NFRKB: variants seen among roughly 807,000 people sequenced by gnomAD.
NFRKB encodes the protein nuclear factor related to kappa-B-binding protein.
NFRKB carries 62 observed loss-of-function variants against 135.7 expected under a neutral mutation model. The observed-to-expected ratio is 0.46, with a 90% CI of 0.37 to 0.56. NFRKB has a LOEUF of 0.56. Ranked by LOEUF, NFRKB falls within the 20% of genes least tolerant of loss-of-function variation. The pLI is 0.00. For synonymous variants in NFRKB, 678 were observed against 635.6 expected (o/e 1.07, Z -1.00); for missense variants, 1,545 against 1,662.0 (o/e 0.93, Z 1.22).
Position 129,864,574 on chromosome 11 carries a change from T to A in NFRKB, c.*151A>T. On this transcript the variant is annotated 3_prime_UTR_variant, in exon 27 of 27. Coordinates refer to ENST00000682444, the MANE Select transcript of NFRKB (RefSeq NM_001143835.2). ...TCCACTATGGCACGTGGCAGCAGAA[T>A]CCAGGCCACGAATCCAGGCCACCGT... The A allele has an allele frequency of 9.4e-7, 1 of 1,066,012 alleles. No individual in the cohort carries two copies. The highest frequency in any genetic ancestry group is 2.5e-5 in the East Asian group (1 of 39,584). The allele number at this position is 1,066,012 out of a possible 1,614,324, so 66.0% of individuals were successfully genotyped here. A position where few individuals can be genotyped will look rare whatever the true frequency, so the allele number is the denominator to read the frequency against.
intron 4 of NFRKB, among the ~76,000 whole-genome samples, chr11:129,886,772 T>C (rs1391099060): frequency 6.6e-6 from 1 of 152,188 alleles, no homozygotes; most frequent in African/African-American, 2.4e-5. Context: ...CAGACGACCA[T>C]ACTGTTTCGG....
At position 129,892,802 on chromosome 11, in the gene NFRKB, C is replaced by G. The variant is rs780129758; in HGVS notation, c.48G>C (p.Pro16=). 2 of 1,614,068 alleles carry G rather than the reference C, an allele frequency of 1.2e-6. No individual in the cohort carries two copies. Among genetic ancestry groups the G allele is most frequent in the South Asian group, 2.2e-5 (2 of 91,088 alleles). ...HMLTDPLELG[P]CGDGHGTRIM... ...TGCGCGTGCCATGGCCATCTCCACACGGACCAAGTTCCAGAGGATCTGTCA... is the reference window on the plus strand; with the variant it reads ...TGCGCGTGCCATGGCCATCTCCACAGGGACCAAGTTCCAGAGGATCTGTCA... Residue 16 remains proline, a synonymous_variant, in exon 3 of 27, where the codon CCG becomes CCC. Coordinates refer to ENST00000682444, the MANE Select transcript of NFRKB (RefSeq NM_001143835.2).
intron 4 of NFRKB, among the ~76,000 whole-genome samples, chr11:129,887,080 C>T (rs1007506593): frequency 3.3e-5 from 5 of 152,234 alleles, no homozygotes; most frequent in African/African-American, 4.8e-5. Flanking sequence ...TCCAGATGTG[C>T]TGCCCATTCA....
In NFRKB at chr11:129,895,523, C is replaced by T. The variant is rs1949732591; in HGVS notation, c.-129G>A. 6.6e-6 allele frequency: 1 copy of T among 152,426 alleles called. No homozygotes were observed. The highest frequency in any genetic ancestry group is 2.4e-5 in the African/African-American group (1 of 41,458). The allele number at this position is 152,426 out of a possible 1,614,324, so 9.4% of individuals were successfully genotyped here. Reference sequence around the variant, plus strand: ...GAACCGCGGGCGCCGGCCCCCTAACCCGCAGCCCTTCTCCGGCCGCGGGCT... The same window carrying T: ...GAACCGCGGGCGCCGGCCCCCTAACTCGCAGCCCTTCTCCGGCCGCGGGCT... On this transcript the variant is annotated 5_prime_UTR_variant, in exon 1 of 27. Coordinates refer to ENST00000682444, the MANE Select transcript of NFRKB (RefSeq NM_001143835.2).
intron 2 of NFRKB, among the ~76,000 whole-genome samples, chr11:129,893,691 G>A (rs1318946074): frequency 6.6e-6 from 1 of 152,168 alleles, no homozygotes; most frequent in East Asian, 1.9e-4. Context: ...CCTATTAAAA[G>A]CCAGGCCTTT....
chr11:129,884,850 CAAAAG>C lies in NFRKB; in HGVS notation c.641-9_641-5del. 1 of 1,614,162 alleles carries C rather than the reference CAAAAG, an allele frequency of 6.2e-7. No individual in the cohort carries two copies. The highest frequency in any genetic ancestry group is 8.5e-7 in the Non-Finnish European group (1 of 1,180,014). ...CTCGGAAGCCATGAGCTGAGATCTT[CAAAAG>C]AAAATTGTTCTTGTAAATCCAACGT... On this transcript the variant is annotated splice_region_variant and splice_polypyrimidine_tract_variant and intron_variant, in intron 6 of 26. Coordinates refer to ENST00000682444, the MANE Select transcript of NFRKB (RefSeq NM_001143835.2).
rs781078179 is a variant in NFRKB at position 129,885,535 on chromosome 11, T to C, written c.540A>G (p.Thr180=). Residue 180 remains threonine, a synonymous_variant, in exon 6 of 27, where the codon ACA becomes ACG. Transcript: ENST00000682444. The stretch of plus-strand genomic sequence containing the variant: ...GGGTCCGCCACTCCCGCTCCTCAGG[T>C]GTGCGGGATGGTGAAGGGCGTTTCT... ...FRQKRPSPSR[T]PEEREWRTQQ... 8.1e-6 allele frequency: 13 copies of C among 1,613,988 alleles called. No homozygotes were observed. The African/African-American group carries it at 1.3e-4, about 17-fold the overall frequency.
Position 129,892,702 on chromosome 11 carries a change from T to C in NFRKB, c.135+13A>G, listed in dbSNP as rs776994799. On this transcript the variant is annotated intron_variant, in intron 3 of 26. Transcript: ENST00000682444. ...GACAGAGAGGAAAAGGTCACAACCG[T>C]GTTACTACTCACATCCTCCAGAAGG... 1 of 1,612,980 alleles carries C rather than the reference T, an allele frequency of 6.2e-7. No individual in the cohort carries two copies. Among genetic ancestry groups the C allele is most frequent in the Non-Finnish European group, 8.5e-7 (1 of 1,179,924 alleles).
rs1312745313 is a variant in NFRKB, at chr11:129,882,543, T to C, written c.990A>G (p.Ala330=). 2 of 1,614,160 alleles carry C rather than the reference T, an allele frequency of 1.2e-6. No homozygotes were observed. Among genetic ancestry groups the C allele is most frequent in the Admixed American group, 1.7e-5 (1 of 60,028 alleles). The change falls in exon 10 of 27, where the codon GCA becomes GCG. Residue 330 remains alanine (A), a synonymous_variant. Transcript: ENST00000682444. ...TGCTTAGCGGCTCGGCCAGGTCCTC[T>C]GCCTCTGATTTGATCGTTTTTATTT... The part of the protein sequence containing the change: ...KKKIKTIKSE[A]EDLAEPLSST...
At chr11:129,879,718 C>G (rs1036663183) in intron 13 of NFRKB, among the ~76,000 whole-genome samples, 4 of 152,030 alleles carry the variant, frequency 2.6e-5, no homozygotes, top group Non-Finnish European at 5.9e-5. Flanking sequence ...CGTGAAGAGC[C>G]CTCCTCGGCC....
intron 5 of NFRKB, among the ~76,000 whole-genome samples, chr11:129,885,882 T>A (rs946247232): frequency 2.6e-5 from 4 of 152,222 alleles, no homozygotes; most frequent in African/African-American, 9.6e-5. Flanking sequence ...GCTTAAAGGA[T>A]GACTTAAAAT....
chr11:129,892,846 C>T lies in NFRKB; in HGVS notation c.4G>A (p.Asp2Asn). M[D>N]SLDHMLTDPL... ...TCTGTCAGCATATGGTCTAAGGAAT[C>T]CATTGTTTCTTCTCCACAGGTACTC... The change falls in exon 3 of 27, where the codon GAT (aspartate) becomes AAT (asparagine). Residue 2 changes from aspartate to asparagine, a missense_variant. This residue lies in a region of NFRKB where 678 missense variants were observed against 646.7 expected (regional missense o/e 1.05). Transcript: ENST00000682444. The T allele has an allele frequency of 6.2e-7, 1 of 1,614,196 alleles. No homozygotes were observed. The highest frequency in any genetic ancestry group is 8.5e-7 in the Non-Finnish European group (1 of 1,180,042).
At chr11:129,890,027 TTG>T (rs1491264715) in intron 3 of NFRKB, among the ~76,000 whole-genome samples, 2 of 102,378 alleles carry the variant, frequency 2.0e-5, no homozygotes, top group East Asian at 3.1e-4. Flanking sequence ...TTGGGTTTTT[TTG>T]TTTTTTTTTT....
At chr11:129,875,532 C>A in intron 17 of NFRKB, 69 bp from the exon 18 acceptor site, 1 of 1,270,266 alleles carries the variant, frequency 7.9e-7, no homozygotes, top group Non-Finnish European at 1.1e-6. Context: ...ATCTCCTGTA[C>A]CTGCAGTGAT....
In NFRKB at chr11:129,869,683, C is replaced by T; in HGVS notation, c.3342G>A (p.Gly1114=). ...TTCCAGACCCACTGGCCACCGAGGCCCCTTGCTTGGCGTGGGTTGCAACGG... is the reference window on the plus strand; with the variant it reads ...TTCCAGACCCACTGGCCACCGAGGCTCCTTGCTTGGCGTGGGTTGCAACGG... ...TITVATHAKQ[G]ASVASGSGTV... The change falls in exon 24 of 27, where the codon GGG becomes GGA. Residue 1114 remains glycine, a synonymous_variant. Coordinates refer to ENST00000682444, the MANE Select transcript of NFRKB (RefSeq NM_001143835.2). 6.2e-7 allele frequency: 1 copy of T among 1,614,210 alleles called. No homozygotes were observed. The highest frequency in any genetic ancestry group is 8.5e-7 in the Non-Finnish European group (1 of 1,180,032).
At position 129,878,111 on chromosome 11, in the gene NFRKB, CCT is replaced by C. The variant is rs557098150; in HGVS notation, c.1511+196_1511+197del. On this transcript the variant is annotated intron_variant, in intron 15 of 26. Coordinates refer to ENST00000682444, the MANE Select transcript of NFRKB (RefSeq NM_001143835.2). ...CCCCTTAGAGGCTCTCCTGCCGTCC[CCT>C]CTCTCCACCACAGCCCCTTCCACAA... Among the ~76,000 whole-genome samples, 327 of 152,278 alleles carry C rather than the reference CCT, an allele frequency of 2.1e-3. 4 individuals carry two copies. The highest frequency in any genetic ancestry group is 2.7e-3 in the Non-Finnish European group (184 of 68,022).
chr11:129,888,856 G>T, intron 3 of NFRKB, 61 bp from the exon 4 acceptor site: 1 of 1,244,148 alleles, frequency 8.0e-7, no homozygotes, highest in Non-Finnish European at 1.2e-6. Flanking sequence ...TTGTATGTAT[G>T]CGTATACAAA....
chr11:129,888,250 G>A (rs542591357), intron 4 of NFRKB: 38 of 581,664 alleles, frequency 6.5e-5, no homozygotes, highest in Middle Eastern at 4.5e-4. Context: ...ACCTTGATAC[G>A]TGCAATAAAG....
At chr11:129,884,205 A>AC (rs1204314275) in intron 7 of NFRKB, 62 bp from the exon 8 acceptor site, 10 of 1,465,060 alleles carry the variant, frequency 6.8e-6, no homozygotes, top group African/African-American at 2.6e-5. Context: ...CTTTCTGGTC[A>AC]CTTTCAAAAG....
Sources: allele counts gnomAD v4.1 joint callset (sites outside exome capture counted in the v4.1 genomes callset), GRCh38; gene constraint gnomAD v4.1.1; regional missense constraint gnomAD v4.1.1; transcripts MANE v1.5; gene names NCBI Gene and HGNC (gene_info 2026-07-23, HGNC 2026-07-21).